The following OSBPL10 variants were observed in gnomAD, a reference collection of about 807,000 sequenced individuals.
OSBPL10 encodes oxysterol-binding protein-related protein 10.
Under a neutral mutation model 81.7 loss-of-function variants are expected in OSBPL10, and 49 were observed. That is an observed-to-expected ratio of 0.60 (90% confidence interval 0.48 to 0.76). The LOEUF (loss-of-function observed/expected upper bound fraction) is 0.76. Among genes scored for constraint, OSBPL10 ranks in the 30% least tolerant of loss-of-function variants. OSBPL10 has a pLI of 0.00. For missense variants in OSBPL10, 923 were observed against 987.8 expected (o/e 0.93, Z 0.88); for synonymous variants, 419 against 383.6 (o/e 1.09, Z -1.08).
At chr3:31,941,197 T>C (rs1456853893) in intron 1 of OSBPL10, among the ~76,000 whole-genome samples, 1 of 152,230 alleles carries the variant, frequency 6.6e-6, no homozygotes, top group Non-Finnish European at 1.5e-5. Context: ...GTATTTTATA[T>C]TTAATACTTC....
intron 4 of OSBPL10, among the ~76,000 whole-genome samples, chr3:31,752,962 G>T (rs1697765571): frequency 6.6e-6 from 1 of 152,134 alleles, no homozygotes; most frequent in African/African-American, 2.4e-5. Flanking sequence ...CTCAACCGGT[G>T]CCCCAGTGCC....
At chr3:31,709,120 C>A in intron 6 of OSBPL10, 6 of 812,716 alleles carry the variant, frequency 7.4e-6, no homozygotes, top group Non-Finnish European at 8.9e-6. Flanking sequence ...TGGATCTTAT[C>A]CTTGACAGGT....
chr3:31,662,436 G>C, intron 11 of OSBPL10: 2 of 1,084,770 alleles, frequency 1.8e-6, no homozygotes, highest in Non-Finnish European at 1.1e-6. Flanking sequence ...GAAAAGGAGA[G>C]TAGCTAGATG....
At chr3:31,925,563 A>G (rs890628010) in intron 1 of OSBPL10, among the ~76,000 whole-genome samples, 6 of 151,678 alleles carry the variant, frequency 4.0e-5, no homozygotes, top group African/African-American at 1.2e-4. Flanking sequence ...CTGTAATCCC[A>G]GTACTTTGGG....
intron 11 of OSBPL10, chr3:31,662,790 A>C (rs1231760740): frequency 1.0e-6 from 1 of 985,302 alleles, no homozygotes; most frequent in African/African-American, 1.7e-5. Context: ...TGTTTAATGC[A>C]CAGCCTTCCA....
chr3:31,977,759 G>T (rs1698728715), intron 1 of OSBPL10, among the ~76,000 whole-genome samples: 1 of 151,964 alleles, frequency 6.6e-6, no homozygotes. Context: ...ACTCTTCAGT[G>T]CCATCCTGTA....
chr3:31,701,031 G>A (rs143210023), intron 7 of OSBPL10, among the ~76,000 whole-genome samples: 11 of 152,264 alleles, frequency 7.2e-5, no homozygotes, highest in Non-Finnish European at 1.2e-4. Context: ...TATCAGACAC[G>A]CTCACATTCA....
rs770390289 is a variant in OSBPL10 at position 31,876,557 on chromosome 3, C to T, written c.458-45G>A. 5 of 1,520,726 alleles carry T rather than the reference C, an allele frequency of 3.3e-6. No individual in the cohort carries two copies. In the African/African-American group the frequency reaches 5.5e-5, roughly 17 times the overall value. 94.2% of individuals were successfully genotyped at this position (1,520,726 alleles called of 1,614,324 possible). A position where few individuals can be genotyped will look rare whatever the true frequency, so the allele number is the denominator to read the frequency against. On this transcript the variant is annotated intron_variant, in intron 2 of 11. Coordinates refer to ENST00000396556, the MANE Select transcript of OSBPL10 (RefSeq NM_017784.5). ...GAAAGAAATGATTGCAGAGATTGTT[C>T]CAAAACACATCCAACTTATTTCTAC...
chr3:31,931,641 T>C (rs1398969301), intron 1 of OSBPL10, among the ~76,000 whole-genome samples: 1 of 152,224 alleles, frequency 6.6e-6, no homozygotes, highest in Non-Finnish European at 1.5e-5. Context: ...TTAATTCCAA[T>C]TACACTAGAA....
At chr3:31,937,104 G>A (rs1697397315) in intron 1 of OSBPL10, among the ~76,000 whole-genome samples, 1 of 152,108 alleles carries the variant, frequency 6.6e-6, no homozygotes, top group South Asian at 2.1e-4. Flanking sequence ...GCAACATGGT[G>A]AAACCCTGTC....
chr3:31,816,344 C>T (rs13087711), intron 4 of OSBPL10, among the ~76,000 whole-genome samples: 69,848 of 152,008 alleles, frequency 0.46, 16,634 homozygotes, highest in East Asian at 0.68. Flanking sequence ...CCATCCACTA[C>T]GTCAGAGACA....
At chr3:31,810,324 T>C (rs991214578) in intron 4 of OSBPL10, among the ~76,000 whole-genome samples, 1 of 152,190 alleles carries the variant, frequency 6.6e-6, no homozygotes, top group African/African-American at 2.4e-5. Flanking sequence ...AAATGAGTGA[T>C]TTTTATTATA....
intron 5 of OSBPL10, among the ~76,000 whole-genome samples, chr3:31,743,663 G>GA (rs869306280): frequency 1.4e-4 from 19 of 138,506 alleles, no homozygotes; most frequent in East Asian, 6.2e-4. Context: ...GGGACAGAAG[G>GA]AAAAAAAAAC....
intron 6 of OSBPL10, among the ~76,000 whole-genome samples, chr3:31,706,741 T>C (rs1696078150): frequency 6.6e-6 from 1 of 152,222 alleles, no homozygotes; most frequent in South Asian, 2.1e-4. Flanking sequence ...CAAGCATGAC[T>C]GAAATGCCAA....
At chr3:31,875,082 T>TAAAAAA (rs555527834) in intron 3 of OSBPL10, among the ~76,000 whole-genome samples, 3 of 103,054 alleles carry the variant, frequency 2.9e-5, no homozygotes, top group African/African-American at 7.3e-5. Context: ...ATATATTAAG[T>TAAAAAA]AAAAAAAAAA....
rs59797512 is a variant in OSBPL10 at position 31,837,321 on chromosome 3, TTATATATATATATA to T, written c.538-7104_538-7091del. 7.8e-3 allele frequency among the ~76,000 whole-genome samples: 461 copies of T among 58,904 alleles called. 4 individuals carry two copies. Among genetic ancestry groups the T allele is most frequent in the African/African-American group, 0.018 (339 of 18,958 alleles). 38.6% of individuals were successfully genotyped at this position (58,904 alleles called of 152,430 possible). On this transcript the variant is annotated intron_variant, in intron 3 of 11. Coordinates refer to ENST00000396556, the MANE Select transcript of OSBPL10 (RefSeq NM_017784.5). ...ATTCCTAGAATTACAGATCCCCAAA[TTATATATATATATA>T]TATATATATATATATATATATATAT...
intron 1 of OSBPL10, among the ~76,000 whole-genome samples, chr3:31,892,833 C>T (rs534985942): frequency 2.6e-5 from 4 of 152,210 alleles, no homozygotes; most frequent in African/African-American, 9.6e-5. Flanking sequence ...AGGTTGCTGC[C>T]CAGTTTGGAG....
intron 2 of OSBPL10, among the ~76,000 whole-genome samples, chr3:32,038,076 C>T (rs72858406): frequency 0.018 from 2,749 of 152,244 alleles, 79 homozygotes; most frequent in African/African-American, 0.06. Context: ...AGTGTTCCCT[C>T]GAGCCTTTGC....
chr3:31,670,386 G>T (rs1420276804), intron 9 of OSBPL10, among the ~76,000 whole-genome samples: 2 of 152,204 alleles, frequency 1.3e-5, no homozygotes, highest in Non-Finnish European at 2.9e-5. Context: ...AGAAGGAAAT[G>T]ATCTTGACCT....
Sources: allele counts gnomAD v4.1 joint callset (sites outside exome capture counted in the v4.1 genomes callset), GRCh38; gene constraint gnomAD v4.1.1; transcripts MANE v1.5; gene names NCBI Gene and HGNC (gene_info 2026-07-23, HGNC 2026-07-21).